FBXO34: variants seen among roughly 807,000 people sequenced by gnomAD.
FBXO34 encodes the protein F-box protein 34.
Under a neutral mutation model 24.5 loss-of-function variants are expected in FBXO34, and 12 were observed. The observed-to-expected ratio is 0.49, with a 90% CI of 0.31 to 0.79. The LOEUF (loss-of-function observed/expected upper bound fraction) is 0.79, where lower values mean the gene tolerates loss of function less well. FBXO34 is among the 30% of genes least tolerant of loss of function. The probability of loss-of-function intolerance (pLI) is 0.04; values close to 1 mark genes in which losing one functional copy is unlikely to be tolerated. For synonymous variants in FBXO34, 320 were observed against 311.9 expected, an observed-to-expected ratio of 1.03 and a Z score of -0.27; for missense variants, 823 against 857.7, an observed-to-expected ratio of 0.96 and a Z score of 0.51.
At chr14:55,296,394 T>G (rs1594733618) in intron 1 of FBXO34, among the ~76,000 whole-genome samples, 1 of 111,880 alleles carries the variant, frequency 8.9e-6, no homozygotes. Flanking sequence ...TTTTTTTGTT[T>G]TTTTTTTTTT....
At chr14:55,338,338 T>C (rs1283818220) in intron 1 of FBXO34, among the ~76,000 whole-genome samples, 1 of 151,796 alleles carries the variant, frequency 6.6e-6, no homozygotes, top group East Asian at 2.0e-4. Context: ...CATGAGCCAC[T>C]GCGGCCAGCG....
the FBXO34 span, among the ~76,000 whole-genome samples, chr14:55,423,274 A>T: frequency 6.6e-6 from 1 of 152,246 alleles, no homozygotes; most frequent in Non-Finnish European, 1.5e-5. Flanking sequence ...GGTAAAAGAT[A>T]TTTAGATACA....
At chr14:55,291,524 T>C (rs1294384968) in intron 1 of FBXO34, among the ~76,000 whole-genome samples, 1 of 152,150 alleles carries the variant, frequency 6.6e-6, no homozygotes. Context: ...TAATAATGTA[T>C]TCTTTAGGAG....
At chr14:55,369,474 C>T (rs940390547), downstream of FBXO34, 5 of 766,444 alleles carry the variant, frequency 6.5e-6, no homozygotes, top group Admixed American at 9.7e-5. Context: ...AAATGTTTGT[C>T]TCCCTGCTTA....
intron 1 of FBXO34, among the ~76,000 whole-genome samples, chr14:55,334,183 C>T (rs1883693130): frequency 6.6e-6 from 1 of 152,092 alleles, no homozygotes; most frequent in South Asian, 2.1e-4. Flanking sequence ...CCTTTTCCAC[C>T]GCTCATCTCA....
At chr14:55,365,595 C>G (rs1230526823), downstream of FBXO34, among the ~76,000 whole-genome samples, 1 of 152,132 alleles carries the variant, frequency 6.6e-6, no homozygotes, top group Non-Finnish European at 1.5e-5. Flanking sequence ...CAATCTGTTT[C>G]CTGCATCAAT....
Position 55,281,875 on chromosome 14 carries a change from G to C in FBXO34, c.-11+10338G>C, listed in dbSNP as rs186196755. 9.9e-5 allele frequency among the ~76,000 whole-genome samples: 15 copies of C among 151,884 alleles called. No individual in the cohort carries two copies. The East Asian group carries it at 2.9e-3, about 29-fold the overall frequency. On this transcript the variant is annotated intron_variant, in intron 1 of 1. Transcript: ENST00000313833. ...TATCCCTGAATTGTAGGCACATATC[G>C]AAGGCTTAGCTTTTCCTTATCTTTA...
intron 1 of FBXO34, among the ~76,000 whole-genome samples, chr14:55,291,252 A>G (rs547646510): frequency 6.6e-6 from 1 of 152,278 alleles, no homozygotes; most frequent in African/African-American, 2.4e-5. Flanking sequence ...TGCTAATTTC[A>G]TAGGTAAAAA....
At chr14:55,293,224 G>A (rs934313277) in intron 1 of FBXO34, among the ~76,000 whole-genome samples, 2 of 152,022 alleles carry the variant, frequency 1.3e-5, no homozygotes, top group African/African-American at 4.8e-5. Flanking sequence ...TGCCACCCAG[G>A]CTGTGGTGCA....
At chr14:55,369,501 CAA>C (rs1381934856), downstream of FBXO34, 4 of 1,049,980 alleles carry the variant, frequency 3.8e-6, no homozygotes, top group Non-Finnish European at 5.3e-6. Context: ...CAAAACAAAA[CAA>C]CACTTTAACC....
At chr14:55,373,176 T>C (rs927902823), downstream of FBXO34, among the ~76,000 whole-genome samples, 15 of 152,218 alleles carry the variant, frequency 9.9e-5, no homozygotes, top group African/African-American at 3.4e-4. Flanking sequence ...GATTATAAAA[T>C]TGTTTCCTAA....
chr14:55,280,747 C>T (rs992335754), intron 1 of FBXO34, among the ~76,000 whole-genome samples: 2 of 151,882 alleles, frequency 1.3e-5, no homozygotes, highest in African/African-American at 4.8e-5. Context: ...AGGATGGTCT[C>T]GATCTCCTGA....
chr14:55,296,391 G>GTTTTTT (rs1167344634), intron 1 of FBXO34, among the ~76,000 whole-genome samples: 40 of 64,716 alleles, frequency 6.2e-4, no homozygotes, highest in African/African-American at 1.1e-3. Context: ...TGTTTTTTTT[G>GTTTTTT]TTTTTTTTTT....
At position 55,351,582 on chromosome 14, in the gene FBXO34, A is replaced by C. The variant is rs1421066715; in HGVS notation, c.1192A>C (p.Lys398Gln). 6.2e-7 allele frequency: 1 copy of C among 1,614,194 alleles called. No individual in the cohort carries two copies. Among genetic ancestry groups the C allele is most frequent in the Non-Finnish European group, 8.5e-7 (1 of 1,180,020 alleles). The part of the protein sequence containing the change: ...ELEPGSQTAV[K>Q]NSNRYDVEMT... ...AGAGCCGGGTTCGCAAACTGCCGTGAAAAACAGCAACAGATATGATGTGGA... is the reference window on the plus strand; with the variant it reads ...AGAGCCGGGTTCGCAAACTGCCGTGCAAAACAGCAACAGATATGATGTGGA... The change falls in exon 2 of 2, where the codon AAA becomes CAA. Residue 398 changes from lysine to glutamine, a missense_variant. By Grantham distance (53) the Lys-to-Gln change is moderately conservative. Coordinates refer to ENST00000313833, the MANE Select transcript of FBXO34 (RefSeq NM_017943.4).
At chr14:55,284,384 A>G (rs1017241485) in intron 1 of FBXO34, among the ~76,000 whole-genome samples, 1 of 151,678 alleles carries the variant, frequency 6.6e-6, no homozygotes, top group Admixed American at 6.6e-5. Context: ...GTGGTGGTAC[A>G]TGTCTGTAAT....
At chr14:55,400,880 G>A in the FBXO34 span, among the ~76,000 whole-genome samples, 1 of 150,476 alleles carries the variant, frequency 6.6e-6, no homozygotes, top group African/African-American at 2.5e-5. Flanking sequence ...CTCCAGCCTG[G>A]GTGACAGAGT....
At chr14:55,434,485 C>T in the FBXO34 span, among the ~76,000 whole-genome samples, 2 of 152,270 alleles carry the variant, frequency 1.3e-5, no homozygotes, top group African/African-American at 4.8e-5. Flanking sequence ...AAGGGCCAAG[C>T]CAGAATTTCT....
the FBXO34 span, chr14:55,382,077 A>T: frequency 6.2e-7 from 1 of 1,613,974 alleles, no homozygotes; most frequent in Non-Finnish European, 8.5e-7. Context: ...CTCCGTTGTG[A>T]TCGTCACAGA....
chr14:55,344,040 A>G (rs990344789), intron 1 of FBXO34, among the ~76,000 whole-genome samples: 1 of 152,194 alleles, frequency 6.6e-6, no homozygotes, highest in Non-Finnish European at 1.5e-5. Context: ...ACTGGAATAA[A>G]GTTGCTCAAA....
Sources: gnomAD v4.1 joint callset for allele counts (sites outside exome capture counted in the v4.1 genomes callset) on GRCh38, gnomAD v4.1.1 for gene constraint, MANE v1.5 for transcripts, NCBI Gene and HGNC (gene_info 2026-07-23, HGNC 2026-07-21) for gene names.